Variants in DHRS7C observed in about 807,000 individuals in gnomAD.
The protein encoded by DHRS7C is dehydrogenase/reductase SDR family member 7C.
Under a neutral mutation model 29.6 loss-of-function variants are expected in DHRS7C, and 28 were observed. That is an observed-to-expected ratio of 0.95 (90% CI 0.70 to 1.30). The LOEUF is 1.30. Ranked by LOEUF, DHRS7C falls within the 50% of genes most tolerant of loss-of-function variation. DHRS7C has a pLI of 0.00. For missense variants in DHRS7C, 403 were observed against 393.3 expected (o/e 1.02, Z -0.21); for synonymous variants, 158 against 160.2 (o/e 0.99, Z 0.10).
intron 3 of DHRS7C, 69 bp downstream of exon 3, chr17:9,779,756 G>A: frequency 6.8e-7 from 1 of 1,472,460 alleles, no homozygotes; most frequent in Non-Finnish European, 9.3e-7. Flanking sequence ...TGACTGTCTG[G>A]CTAATTAACA....
At chr17:9,784,132 G>GA (rs1015112074) in intron 1 of DHRS7C, among the ~76,000 whole-genome samples, 43 of 151,236 alleles carry the variant, frequency 2.8e-4, no homozygotes, top group African/African-American at 1.0e-3. Context: ...TCCATTGAAA[G>GA]AAAAAAAATC....
Position 9,775,637 on chromosome 17 carries a change from A to G in DHRS7C, c.571+1556T>C, listed in dbSNP as rs1022648233. On this transcript the variant is annotated intron_variant, in intron 4 of 5. Transcript: ENST00000571134. The surrounding 1 kb of genome is among the most constrained non-coding windows in gnomAD (Gnocchi z 4.2). ...GAGCCATTCCCATTGAGGTTACTAC[A>G]TGGAGGAGTAATCAAGTTTTCCCAC... 1.6e-4 allele frequency among the ~76,000 whole-genome samples: 25 copies of G among 152,140 alleles called. No individual in the cohort carries two copies. The highest frequency in any genetic ancestry group is 8.5e-4 in the Admixed American group (13 of 15,274).
At position 9,771,492 on chromosome 17, in the gene DHRS7C, C is replaced by A; in HGVS notation, c.932G>T (p.Gly311Val). 6.6e-7 allele frequency: 1 copy of A among 1,520,948 alleles called. No homozygotes were observed. Among genetic ancestry groups the A allele is most frequent in the Non-Finnish European group, 8.8e-7 (1 of 1,131,014 alleles). 94.2% of individuals were successfully genotyped at this position (1,520,948 alleles called of 1,614,324 possible). The change falls in exon 6 of 6, where the codon GGG becomes GTG. Residue 311 changes from glycine (G) to valine (V), a missense_variant. Transcript: ENST00000571134. The stretch of plus-strand genomic sequence containing the variant: ...GGCCCATTTGGCCTCCTGCAGTTAC[C>A]CCTCCTCCGGGACATTGAGCTTCTC... ...VKEKLNVPEE[G>V]
At chr17:9,778,394 CAAAAAAA>C (rs60847065) in intron 3 of DHRS7C, among the ~76,000 whole-genome samples, 8 of 82,970 alleles carry the variant, frequency 9.6e-5, no homozygotes, top group African/African-American at 4.8e-5. Context: ...GACTCCGTCT[CAAAAAAA>C]AAAAAAAAAA....
chr17:9,781,711 G>A, intron 1 of DHRS7C, 117 bp from the exon 2 acceptor site: 6 of 909,610 alleles, frequency 6.6e-6, no homozygotes, highest in South Asian at 1.6e-5. Context: ...GCACCACGAG[G>A]TCCTTTAGGG....
chr17:9,777,882 CTTTA>C (rs1473927114), intron 3 of DHRS7C, among the ~76,000 whole-genome samples: 2 of 152,072 alleles, frequency 1.3e-5, no homozygotes, highest in Non-Finnish European at 2.9e-5. Flanking sequence ...TCAGGTTGTC[CTTTA>C]TTTACTGAGA....
intron 3 of DHRS7C, among the ~76,000 whole-genome samples, chr17:9,777,735 G>A (rs2066370668): frequency 6.6e-6 from 1 of 152,076 alleles, no homozygotes; most frequent in African/African-American, 2.4e-5. Flanking sequence ...AGTATGGAAG[G>A]AAGAAGGAAG....
intron 4 of DHRS7C, among the ~76,000 whole-genome samples, chr17:9,773,405 G>C (rs2066342879): frequency 6.6e-6 from 1 of 152,076 alleles, no homozygotes; most frequent in South Asian, 2.1e-4. Context: ...CTTTTCCTCG[G>C]AGAGCCCGTC....
intron 2 of DHRS7C, among the ~76,000 whole-genome samples, 198 bp downstream of exon 2, chr17:9,781,284 G>A (rs1163974174): frequency 2.0e-5 from 3 of 152,164 alleles, no homozygotes; most frequent in South Asian, 2.1e-4. Flanking sequence ...ACATGATTTT[G>A]TCATGGTGGG....
In DHRS7C at chr17:9,788,414, C is replaced by T. The variant is rs1242021426; in HGVS notation, c.154+2717G>A. ...TAGAGACGGGGTTTTACCATGTTGG[C>T]CAGGCTGGTCTCGAACTCCTGACCT... On this transcript the variant is annotated intron_variant, in intron 1 of 5. Transcript: ENST00000571134. 2.0e-5 allele frequency among the ~76,000 whole-genome samples: 3 copies of T among 152,048 alleles called. 1 individual carries two copies. The highest frequency in any genetic ancestry group is 1.3e-4 in the Admixed American group (2 of 15,262).
intron 1 of DHRS7C, among the ~76,000 whole-genome samples, chr17:9,784,616 A>G (rs2066412337): frequency 6.6e-6 from 1 of 152,238 alleles, no homozygotes; most frequent in African/African-American, 2.4e-5. Context: ...ATATGTGAAG[A>G]ACTCTTACAA....
In DHRS7C at chr17:9,771,672, C is replaced by T. The variant is rs761320907; in HGVS notation, c.752G>A (p.Gly251Asp). Residue 251 changes from glycine to aspartate, a missense_variant, in exon 6 of 6, where the codon GGC becomes GAC. Transcript: ENST00000571134. ...CTCCGCCACCTCTACTGGGTGCACG[C>T]CGTAGGTCAGCTTCCTGAAAAAGAC... ...WKFFFRKLTYGVHPVEVAEEV... is the reference protein window; with the variant it reads ...WKFFFRKLTYDVHPVEVAEEV... 2 of 1,526,390 alleles carry T rather than the reference C, an allele frequency of 1.3e-6. No individual in the cohort carries two copies. The highest frequency in any genetic ancestry group is 1.8e-6 in the Non-Finnish European group (2 of 1,132,400). 94.6% of individuals were successfully genotyped at this position (1,526,390 alleles called of 1,614,324 possible). A position where few individuals can be genotyped will look rare whatever the true frequency, so the allele number is the denominator to read the frequency against.
intron 1 of DHRS7C, among the ~76,000 whole-genome samples, chr17:9,783,382 G>T (rs1171051312): frequency 6.6e-6 from 1 of 152,198 alleles, no homozygotes; most frequent in African/African-American, 2.4e-5. Flanking sequence ...TTGTCTCCAA[G>T]TTAAATTGAT....
At chr17:9,777,422 G>A (rs1412724129) in intron 3 of DHRS7C, 137 bp from the exon 4 acceptor site, 1 of 586,906 alleles carries the variant, frequency 1.7e-6, no homozygotes, top group Non-Finnish European at 2.9e-6. Context: ...CAGGGCAGAG[G>A]TGGAATGAGT....
At chr17:9,789,521 C>G (rs12600607) in intron 1 of DHRS7C, among the ~76,000 whole-genome samples, 1 of 152,122 alleles carries the variant, frequency 6.6e-6, no homozygotes, top group Non-Finnish European at 1.5e-5. Flanking sequence ...AAGCCTGTAT[C>G]TAGTGGACCC....
rs1327712408 is a variant in DHRS7C at position 9,774,395 on chromosome 17, C to T, written c.572-1473G>A. 6.6e-6 allele frequency among the ~76,000 whole-genome samples: 1 copy of T among 152,228 alleles called. No homozygotes were observed. The highest frequency in any genetic ancestry group is 2.4e-5 in the African/African-American group (1 of 41,466). On this transcript the variant is annotated intron_variant, in intron 4 of 5. Coordinates refer to ENST00000571134, the MANE Select transcript of DHRS7C (RefSeq NM_001105571.3). The surrounding 1 kb of genome is among the most constrained non-coding windows in gnomAD (Gnocchi z 5.0). ...TGCCTCCCGGGCTCAAGCAATTCTC[C>T]AGCCTTAGCCTCCCGAGTAACTGAG...
At chr17:9,784,873 T>G (rs1472639132) in intron 1 of DHRS7C, among the ~76,000 whole-genome samples, 1 of 152,216 alleles carries the variant, frequency 6.6e-6, no homozygotes, top group East Asian at 1.9e-4. Flanking sequence ...TTGCAGAAAT[T>G]GGTCTATTGA....
chr17:9,779,098 C>G (rs139662750), intron 3 of DHRS7C, among the ~76,000 whole-genome samples: 1 of 152,066 alleles, frequency 6.6e-6, no homozygotes, highest in Admixed American at 6.6e-5. Context: ...TTAGTAGAGA[C>G]GGGGTTTCAC....
At chr17:9,771,800 T>A in intron 5 of DHRS7C, 104 bp from the exon 6 acceptor site, 1 of 1,170,014 alleles carries the variant, frequency 8.5e-7, no homozygotes, top group South Asian at 3.1e-5. Flanking sequence ...GCGTGGGCTG[T>A]CCCCGGAGTC....
Sources: gnomAD v4.1 joint callset for allele counts (sites outside exome capture counted in the v4.1 genomes callset) on GRCh38, gnomAD v4.1.1 for gene constraint, Gnocchi (gnomAD v3.1) non-coding constraint, MANE v1.5 for transcripts, NCBI Gene and HGNC (gene_info 2026-07-23, HGNC 2026-07-21) for gene names.